Variants in UPF2 observed in about 807,000 individuals in gnomAD.
UPF2 encodes UPF2 regulator of nonsense mediated mRNA decay.
UPF2 carries 17 observed loss-of-function variants against 141.4 expected under a neutral mutation model. That is an observed-to-expected ratio of 0.12 (90% CI 0.08 to 0.18). UPF2 has a LOEUF of 0.18. Ranked by LOEUF, UPF2 falls within the 10% of genes least tolerant of loss-of-function variation. The pLI is 1.00. For missense variants in UPF2, 1,152 were observed against 1,515.9 expected (o/e 0.76, Z 3.99); for synonymous variants, 540 against 498.0 (o/e 1.08, Z -1.12).
intron 8 of UPF2, among the ~76,000 whole-genome samples, chr10:11,987,291 A>G (rs1362127127): frequency 7.2e-5 from 11 of 152,270 alleles, no homozygotes; most frequent in Non-Finnish European, 2.9e-5. Context: ...ACAAACCTGC[A>G]CAGCCTGCAC....
At chr10:11,974,317 C>G (rs1011024246) in intron 9 of UPF2, among the ~76,000 whole-genome samples, 6 of 152,152 alleles carry the variant, frequency 3.9e-5, no homozygotes, top group African/African-American at 1.4e-4. Context: ...ATCATGTCAT[C>G]TGCAAACAGG....
intron 3 of UPF2, among the ~76,000 whole-genome samples, chr10:12,027,092 G>C (rs961622340): frequency 2.0e-5 from 3 of 152,008 alleles, no homozygotes; most frequent in African/African-American, 4.8e-5. Context: ...CCAAATCAAA[G>C]GGAATCATTT....
At chr10:12,004,786 T>C in intron 4 of UPF2, 59 bp from the exon 5 acceptor site, 1 of 1,515,698 alleles carries the variant, frequency 6.6e-7, no homozygotes, top group South Asian at 1.2e-5. Context: ...ATGATAAACA[T>C]GACATAAGTT....
chr10:11,969,528 A>C (rs1453899103), intron 9 of UPF2, among the ~76,000 whole-genome samples: 11 of 152,142 alleles, frequency 7.2e-5, no homozygotes, highest in Admixed American at 7.2e-4. Context: ...ATTAGCGACA[A>C]ATATAAAATA....
intron 11 of UPF2, among the ~76,000 whole-genome samples, chr10:11,961,089 CAAAAAAAAA>C (rs59208108): frequency 1.2e-5 from 1 of 86,242 alleles, no homozygotes; most frequent in Admixed American, 1.2e-4. Flanking sequence ...GACCCTGTCT[CAAAAAAAAA>C]AAAAAAAAAA....
chr10:11,985,129 G>A (rs1564355702), intron 8 of UPF2, among the ~76,000 whole-genome samples: 1 of 152,162 alleles, frequency 6.6e-6, no homozygotes, highest in African/African-American at 2.4e-5. Context: ...ATGAGTTAAG[G>A]AAGTTATGAG....
intron 4 of UPF2, among the ~76,000 whole-genome samples, chr10:12,012,601 C>T (rs1834148401): frequency 6.6e-6 from 1 of 151,470 alleles, no homozygotes; most frequent in Admixed American, 6.6e-5. Context: ...AGATCGAGAT[C>T]ATCCTGGCTA....
intron 21 of UPF2, among the ~76,000 whole-genome samples, chr10:11,922,294 C>T (rs1280936188): frequency 5.9e-5 from 9 of 152,118 alleles, no homozygotes; most frequent in Admixed American, 5.2e-4. Flanking sequence ...TCATGGCAGC[C>T]CAAGCAGATG....
intron 10 of UPF2, among the ~76,000 whole-genome samples, chr10:11,966,535 C>T (rs984691402): frequency 6.6e-6 from 1 of 152,146 alleles, no homozygotes; most frequent in Non-Finnish European, 1.5e-5. Context: ...AGTGATTCTC[C>T]TCCCTCAGCC....
chr10:11,938,036 AC>A (rs1564337426), intron 18 of UPF2, among the ~76,000 whole-genome samples: 1 of 152,074 alleles, frequency 6.6e-6, no homozygotes, highest in Non-Finnish European at 1.5e-5. Context: ...CACTGCCCCA[AC>A]CCCAAGATGC....
chr10:11,959,846 A>C lies in UPF2; in HGVS notation c.2185-490T>G, dbSNP rs1464374966. On this transcript the variant is annotated intron_variant, in intron 11 of 21. Coordinates refer to ENST00000357604, the MANE Select transcript of UPF2 (RefSeq NM_015542.4). This position sits in a 1 kb window ranked among gnomAD's most constrained non-coding sequence, Gnocchi z 5.9. ...ATATCAAAGAGCATGTAAGCATACT[A>C]ACTGTTATACTACTTATCATTTTTA... 6.6e-6 allele frequency among the ~76,000 whole-genome samples: 1 copy of C among 152,146 alleles called. No individual in the cohort carries two copies. Among genetic ancestry groups the C allele is most frequent in the African/African-American group, 2.4e-5 (1 of 41,434 alleles).
At position 12,001,849 on chromosome 10, in the gene UPF2, C is replaced by T. The variant is rs572937077; in HGVS notation, c.1505-24G>A. ...CTCTGTTGAAAAACAAACAAGTATA[C>T]CTAAATTCAAAGTCATATGAAAATC... On this transcript the variant is annotated intron_variant, in intron 5 of 21. Coordinates refer to ENST00000357604, the MANE Select transcript of UPF2 (RefSeq NM_015542.4). The T allele has an allele frequency of 1.5e-5, 23 of 1,555,022 alleles. No individual in the cohort carries two copies. In the South Asian group the frequency reaches 2.7e-4, roughly 18 times the overall value.
chr10:11,928,278 A>G (rs931705152), intron 21 of UPF2, among the ~76,000 whole-genome samples: 4 of 152,130 alleles, frequency 2.6e-5, no homozygotes, highest in Admixed American at 2.0e-4. Context: ...TAGAGGTTGC[A>G]GAGAGCCAAG....
chr10:11,951,124 GT>G (rs1490707693), intron 15 of UPF2, among the ~76,000 whole-genome samples: 1 of 152,026 alleles, frequency 6.6e-6, no homozygotes, highest in East Asian at 1.9e-4. Context: ...GTGCAATGGC[GT>G]GATCTTGGCT....
At chr10:11,943,838 C>T (rs1832966784) in intron 16 of UPF2, among the ~76,000 whole-genome samples, 1 of 151,490 alleles carries the variant, frequency 6.6e-6, no homozygotes. Context: ...TCAGTCCCTG[C>T]CTCCCTCCAC....
At chr10:11,950,360 G>A (rs999878377) in intron 15 of UPF2, among the ~76,000 whole-genome samples, 2 of 152,188 alleles carry the variant, frequency 1.3e-5, no homozygotes, top group African/African-American at 4.8e-5. Context: ...TTATCAGTAG[G>A]AAACGGATTT....
rs1400791624 is a variant in UPF2, at chr10:11,939,076, T to A, written c.3379-2364A>T. 6.6e-6 allele frequency among the ~76,000 whole-genome samples: 1 copy of A among 151,964 alleles called. No individual in the cohort carries two copies. Among genetic ancestry groups the A allele is most frequent in the Non-Finnish European group, 1.5e-5 (1 of 68,008 alleles). ...TACTGGAGACGGGGTTTCACCGTGT[T>A]AGCTAGGAGGGTCTCGATCTCCTGA... On this transcript the variant is annotated intron_variant, in intron 18 of 21. Transcript: ENST00000357604. The surrounding 1 kb of genome is among the most constrained non-coding windows in gnomAD (Gnocchi z 4.8).
Position 12,012,794 on chromosome 10 carries a change from G to GT in UPF2, c.1306+1229_1306+1230insA, listed in dbSNP as rs1462303869. Among the ~76,000 whole-genome samples the GT allele has an allele frequency of 1.0e-2, 1,263 of 126,414 alleles. 12 individuals carry two copies. Among genetic ancestry groups the GT allele is most frequent in the Middle Eastern group, 0.028 (6 of 214 alleles). 82.9% of individuals were successfully genotyped at this position (126,414 alleles called of 152,430 possible). ...AGCCTGGGCAACAGAGCAAGACTCCGCCAAAAAAAAAAAAAAAAACATTTA... is the reference window on the plus strand; with the variant it reads ...AGCCTGGGCAACAGAGCAAGACTCCGTCCAAAAAAAAAAAAAAAAACATTTA... On this transcript the variant is annotated intron_variant, in intron 4 of 21. Transcript: ENST00000357604.
chr10:11,927,638 G>A lies in UPF2; in HGVS notation c.3809+2227C>T, dbSNP rs138410577. Among the ~76,000 whole-genome samples the A allele has an allele frequency of 3.2e-4, 48 of 152,126 alleles. No individual in the cohort carries two copies. In the East Asian group the frequency reaches 8.7e-3, roughly 27 times the overall value. ...TAATTAAAGGACTTTAATAAAGTTT[G>A]GATAATTAAAAATAACCTAATATCT... On this transcript the variant is annotated intron_variant, in intron 21 of 21. Coordinates refer to ENST00000357604, the MANE Select transcript of UPF2 (RefSeq NM_015542.4).
Sources: gnomAD v4.1 joint callset for allele counts (sites outside exome capture counted in the v4.1 genomes callset) on GRCh38, gnomAD v4.1.1 for gene constraint, Gnocchi (gnomAD v3.1) non-coding constraint, MANE v1.5 for transcripts, NCBI Gene and HGNC (gene_info 2026-07-23, HGNC 2026-07-21) for gene names.